NDRG4: variants seen among roughly 807,000 people sequenced by gnomAD.
The protein encoded by NDRG4 is NDRG family member 4.
A neutral mutation model predicts 55.8 loss-of-function variants in NDRG4; 38 were observed. The ratio of observed to expected loss-of-function variants is 0.68; its 90% confidence interval spans 0.53 to 0.89. The LOEUF (loss-of-function observed/expected upper bound fraction) is 0.89, where lower values mean the gene tolerates loss of function less well. Ranked by LOEUF, NDRG4 falls within the 40% of genes least tolerant of loss-of-function variation. The pLI, the probability that NDRG4 is intolerant of heterozygous loss-of-function variation, is 0.00. For missense variants in NDRG4, 455 were observed against 468.6 expected (o/e 0.97, Z 0.27); for synonymous variants, 190 against 182.7 (o/e 1.04, Z -0.32).
chr16:58,504,479 G>A, intron 4 of NDRG4, 58 bp downstream of exon 4: 1 of 1,611,924 alleles, frequency 6.2e-7, no homozygotes, highest in Non-Finnish European at 8.5e-7. Context: ...CAACTGCAGA[G>A]CCACCTGGCT....
intron 2 of NDRG4, chr16:58,487,890 G>C (rs1050989698): frequency 6.9e-7 from 1 of 1,442,288 alleles, no homozygotes; most frequent in African/African-American, 1.4e-5. Context: ...AGGGCCGAGC[G>C]CGCCACCTCG....
chr16:58,474,270 T>C (rs1179780164), intron 1 of NDRG4, among the ~76,000 whole-genome samples: 1 of 152,136 alleles, frequency 6.6e-6, no homozygotes, highest in Non-Finnish European at 1.5e-5. Context: ...CTCGAACTCC[T>C]GGCCTCAAGC....
chr16:58,488,690 T>A lies in NDRG4; in HGVS notation c.72+840T>A, dbSNP rs142313038. On this transcript the variant is annotated intron_variant, in intron 2 of 15. Transcript: ENST00000258187. ...ACCAGGAGGGGAGCCCAGGAGCTAC[T>A]GAGCAGCCAGGATTGGAACTGTGCA... 3.0e-3 allele frequency among the ~76,000 whole-genome samples: 457 copies of A among 152,182 alleles called. 3 individuals carry two copies. Among genetic ancestry groups the A allele is most frequent in the African/African-American group, 0.01 (429 of 41,528 alleles).
At chr16:58,483,711 C>A (rs963471240) in intron 1 of NDRG4, among the ~76,000 whole-genome samples, 1 of 152,238 alleles carries the variant, frequency 6.6e-6, no homozygotes, top group Non-Finnish European at 1.5e-5. Flanking sequence ...AGGCAAGGAA[C>A]ACACTGATCA....
At chr16:58,467,408 A>AGC in intron 1 of NDRG4, among the ~76,000 whole-genome samples, 1 of 152,216 alleles carries the variant, frequency 6.6e-6, no homozygotes, top group Admixed American at 6.5e-5. Flanking sequence ...TTGGGAGGCT[A>AGC]AGGCAGGAGA....
downstream of NDRG4, chr16:58,513,668 C>T (rs577254329): frequency 6.6e-6 from 1 of 152,306 alleles, no homozygotes; most frequent in South Asian, 2.1e-4. Context: ...CAAAATACAG[C>T]TCTCCTCAGC....
chr16:58,486,567 T>G (rs1380505207), intron 1 of NDRG4, among the ~76,000 whole-genome samples: 1 of 152,156 alleles, frequency 6.6e-6, no homozygotes, highest in Non-Finnish European at 1.5e-5. Flanking sequence ...ATTTCTAGAT[T>G]ATGTCCTTGG....
intron 1 of NDRG4, chr16:58,465,377 A>C (rs893996210): frequency 2.8e-6 from 1 of 358,470 alleles, no homozygotes; most frequent in Non-Finnish European, 5.5e-6. Context: ...GAAACGGTGG[A>C]ATCCGAGTCG....
At chr16:58,493,683 G>A (rs1329096422) in intron 2 of NDRG4, among the ~76,000 whole-genome samples, 2 of 152,236 alleles carry the variant, frequency 1.3e-5, no homozygotes, top group Admixed American at 1.3e-4. Flanking sequence ...ACAACACTGA[G>A]GCTCGGAGGC....
At chr16:58,465,070 AG>A in intron 1 of NDRG4, 1 of 1,281,652 alleles carries the variant, frequency 7.8e-7, no homozygotes, top group Non-Finnish European at 1.0e-6. Context: ...CAGGAAGAGG[AG>A]GTGGGAAAGG....
In NDRG4 at chr16:58,489,157, G is replaced by A. The variant is rs141457833; in HGVS notation, c.72+1307G>A. 2.5e-3 allele frequency among the ~76,000 whole-genome samples: 380 copies of A among 152,126 alleles called. 2 individuals carry two copies. Among genetic ancestry groups the A allele is most frequent in the East Asian group, 2.1e-3 (11 of 5,154 alleles). ...CTACTAAAAATACAAAAATTAGCCCGGGCGTGGTAGTGGGCGCCTGTAATC... is the reference window on the plus strand; with the variant it reads ...CTACTAAAAATACAAAAATTAGCCCAGGCGTGGTAGTGGGCGCCTGTAATC... On this transcript the variant is annotated intron_variant, in intron 2 of 15. Coordinates refer to the NDRG4 transcript ENST00000258187.
At chr16:58,507,077 C>A in intron 8 of NDRG4, 62 bp downstream of exon 8, 1 of 1,304,910 alleles carries the variant, frequency 7.7e-7, no homozygotes, top group Non-Finnish European at 1.1e-6. Context: ...TTGCACACTG[C>A]CCCCTGAGGG....
intron 2 of NDRG4, among the ~76,000 whole-genome samples, chr16:58,491,048 G>A (rs1406005764): frequency 6.6e-6 from 1 of 152,026 alleles, no homozygotes; most frequent in South Asian, 2.1e-4. Context: ...AGGCCGAGGC[G>A]AGCGGATCAC....
At position 58,500,177 on chromosome 16, in the gene NDRG4, G is replaced by T; in HGVS notation, c.-72G>T. 6.5e-7 allele frequency: 1 copy of T among 1,535,820 alleles called. No individual in the cohort carries two copies. The highest frequency in any genetic ancestry group is 8.7e-7 in the Non-Finnish European group (1 of 1,146,754). On this transcript the variant is annotated 5_prime_UTR_variant, in exon 1 of 15. Coordinates refer to ENST00000570248, the MANE Select transcript of NDRG4 (RefSeq NM_001242835.2). The stretch of plus-strand genomic sequence containing the variant: ...ACCATCTCCCACTCGAGCTGCCCCC[G>T]CCCTCTGGACCCGAGTGACTCAGGC...
chr16:58,494,832 T>TACA, intron 2 of NDRG4: 1 of 543,818 alleles, frequency 1.8e-6, no homozygotes, highest in Admixed American at 3.3e-5. Context: ...ACCCTGTCTC[T>TACA]AAAAAAAAAA....
In NDRG4 at chr16:58,507,026, G is replaced by C. The variant is rs1309067698; in HGVS notation, c.620+11G>C. On this transcript the variant is annotated intron_variant, in intron 8 of 14. Coordinates refer to ENST00000570248, the MANE Select transcript of NDRG4 (RefSeq NM_001242835.2). Reference sequence around the variant, plus strand: ...GAACATGTACAACAGGTGCGGGTGGGATCAGCAGCCCTGGGACCCAGCACA... The same window carrying C: ...GAACATGTACAACAGGTGCGGGTGGCATCAGCAGCCCTGGGACCCAGCACA... 2.5e-6 allele frequency: 4 copies of C among 1,608,232 alleles called. No individual in the cohort carries two copies. The East Asian group carries it at 8.9e-5, about 36-fold the overall frequency.
rs1005599104 is a variant in NDRG4, at chr16:58,487,258, C to A, written c.-23-498C>A. Among the ~76,000 whole-genome samples, 101 of 152,354 alleles carry A rather than the reference C, an allele frequency of 6.6e-4. No individual in the cohort carries two copies. The Middle Eastern group carries it at 0.01, about 15-fold the overall frequency. ...ATAATAGGCTGGGCATGGTGGCTCA[C>A]ACCTGAAATCTCAACACTTTGGGAG... On this transcript the variant is annotated intron_variant, in intron 1 of 15. Transcript: ENST00000258187.
At chr16:58,482,692 C>CCTTCCTCCCTCCCTTT (rs2034575082) in intron 1 of NDRG4, among the ~76,000 whole-genome samples, 4 of 139,750 alleles carry the variant, frequency 2.9e-5, no homozygotes, top group Admixed American at 7.2e-5. Flanking sequence ...TCCCTCCCTT[C>CCTTCCTCCCTCCCTTT]CTTCCTCCCT....
In NDRG4 at chr16:58,513,550, T is replaced by G. The variant is rs1231356133; in HGVS notation, c.*1974T>G. 1 of 151,974 alleles carries G rather than the reference T, an allele frequency of 6.6e-6. No individual in the cohort carries two copies. Among genetic ancestry groups the G allele is most frequent in the African/African-American group, 2.4e-5 (1 of 41,386 alleles). The allele number at this position is 151,974 out of a possible 1,614,324, so 9.4% of individuals were successfully genotyped here. A position where few individuals can be genotyped will look rare whatever the true frequency, so the allele number is the denominator to read the frequency against. On this transcript the variant is annotated 3_prime_UTR_variant, in exon 15 of 15. Transcript: ENST00000570248. ...GATGGTCTCCACCCATCTTTCTATT[T>G]CCAGTACACGTCACATTATTTTACC...
Sources: allele counts gnomAD v4.1 joint callset (sites outside exome capture counted in the v4.1 genomes callset), GRCh38; gene constraint gnomAD v4.1.1; transcripts MANE v1.5; gene names NCBI Gene and HGNC (gene_info 2026-07-23, HGNC 2026-07-21).